YTHDC2: variants seen among roughly 807,000 people sequenced by gnomAD.
YTHDC2 encodes the protein YTH N6-methyladenosine RNA binding protein C2.
In YTHDC2, 45 loss-of-function variants were observed where a neutral mutation model predicts 174.9. The ratio of observed to expected loss-of-function variants is 0.26; its 90% confidence interval spans 0.20 to 0.33. The LOEUF is 0.33. YTHDC2 is among the 10% of genes least tolerant of loss of function. The probability of loss-of-function intolerance (pLI) is 1.00; values close to 1 mark genes in which losing one functional copy is unlikely to be tolerated. For missense variants in YTHDC2, 1,650 were observed against 1,723.7 expected (o/e 0.96, Z 0.76); for synonymous variants, 657 against 574.5 (o/e 1.14, Z -2.05).
intron 23 of YTHDC2, among the ~76,000 whole-genome samples, chr5:113,573,511 G>A (rs1322607377): frequency 6.6e-6 from 1 of 152,038 alleles, no homozygotes; most frequent in Non-Finnish European, 1.5e-5. Context: ...TTTGAATGTT[G>A]GCCTGTCTTG....
chr5:113,571,593 A>G (rs1777722489), intron 23 of YTHDC2, among the ~76,000 whole-genome samples: 1 of 152,160 alleles, frequency 6.6e-6, no homozygotes, highest in Admixed American at 6.6e-5. Flanking sequence ...TTCAGCTGTA[A>G]ATCCATCTGG....
chr5:113,589,408 A>AAAAAAAAATATATATATATATATATAT (rs368975720), intron 26 of YTHDC2, among the ~76,000 whole-genome samples: 3 of 123,260 alleles, frequency 2.4e-5, no homozygotes, highest in Admixed American at 8.2e-5. Flanking sequence ...AAAAAAAAAA[A>AAAAAAAAATATATATATATATATATAT]ATATATATAT....
At chr5:113,571,058 A>G (rs540967513) in intron 23 of YTHDC2, among the ~76,000 whole-genome samples, 95 of 152,194 alleles carry the variant, frequency 6.2e-4, no homozygotes, top group Non-Finnish European at 1.2e-3. Context: ...GTACTGTGAC[A>G]GTTTTCAAGG....
intron 23 of YTHDC2, among the ~76,000 whole-genome samples, chr5:113,569,583 C>T (rs552148940): frequency 6.6e-6 from 1 of 152,276 alleles, no homozygotes; most frequent in South Asian, 2.1e-4. Flanking sequence ...TCTTTCAGCA[C>T]CATTTGTTAA....
intron 26 of YTHDC2, 135 bp from the exon 27 acceptor site, chr5:113,590,906 T>C: frequency 1.4e-6 from 1 of 729,006 alleles, no homozygotes; most frequent in South Asian, 2.0e-5. Flanking sequence ...GTTTCAGACA[T>C]GATAGAGCTA....
intron 10 of YTHDC2, among the ~76,000 whole-genome samples, chr5:113,545,992 G>T (rs1252092414): frequency 1.6e-4 from 8 of 49,768 alleles, no homozygotes; most frequent in African/African-American, 5.8e-4. Context: ...CGCCCGCCTC[G>T]GCCTCCCAAA....
Position 113,563,907 on chromosome 5 carries a change from C to T in YTHDC2, c.2491C>T (p.His831Tyr). The T allele has an allele frequency of 6.2e-7, 1 of 1,614,162 alleles. No individual in the cohort carries two copies. Among genetic ancestry groups the T allele is most frequent in the Non-Finnish European group, 8.5e-7 (1 of 1,180,018 alleles). ...GGAAGATCTGACTGAACTTGGGTAT[C>T]ATTTGGCTGACTTGCCAGTAGAACC... ...TWEDLTELGY[H>Y]LADLPVEPHL... The change falls in exon 20 of 30, where the codon CAT becomes TAT. Residue 831 changes from histidine to tyrosine, a missense_variant. By Grantham distance (83) the His-to-Tyr change is moderately conservative. Coordinates refer to ENST00000161863, the MANE Select transcript of YTHDC2 (RefSeq NM_022828.5).
Position 113,579,856 on chromosome 5 carries a change from T to C in YTHDC2, c.3354+161T>C, listed in dbSNP as rs996636055. ...GGGACCTCATTCATTCTCTTCTGTA[T>C]TGGGGTTTATTCCAACAGAGGACTT... is the stretch of plus-strand genomic sequence containing the variant. On this transcript the variant is annotated intron_variant, in intron 24 of 29. Transcript: ENST00000161863. 4.1e-6 allele frequency: 4 copies of C among 985,246 alleles called. No individual in the cohort carries two copies. In the African/African-American group the frequency reaches 7.0e-5, roughly 17 times the overall value. 61.0% of individuals were successfully genotyped at this position (985,246 alleles called of 1,614,324 possible).
rs7708995 is a variant in YTHDC2, at chr5:113,567,427, T to A, written c.3048+130T>A. ...AGTTATATATATATATATATATATATCATTAAATATTGGAACAAAACTTAT... is the reference window on the plus strand; with the variant it reads ...AGTTATATATATATATATATATATAACATTAAATATTGGAACAAAACTTAT... On this transcript the variant is annotated intron_variant, in intron 22 of 29. Coordinates refer to ENST00000161863, the MANE Select transcript of YTHDC2 (RefSeq NM_022828.5). 43 of 375,064 alleles carry A rather than the reference T, an allele frequency of 1.1e-4. 1 individual carries two copies. The highest frequency in any genetic ancestry group is 3.0e-4 in the African/African-American group (12 of 39,602). 23.2% of individuals were successfully genotyped at this position (375,064 alleles called of 1,614,324 possible).
chr5:113,546,422 T>G (rs935787522), intron 10 of YTHDC2, among the ~76,000 whole-genome samples: 2 of 152,202 alleles, frequency 1.3e-5, no homozygotes, highest in Non-Finnish European at 2.9e-5. Context: ...TTACAGTAGC[T>G]CAATCATTCA....
intron 20 of YTHDC2, among the ~76,000 whole-genome samples, chr5:113,564,372 A>G (rs1383082939): frequency 1.3e-5 from 2 of 152,068 alleles, no homozygotes; most frequent in Admixed American, 1.3e-4. Context: ...TTGTATATAT[A>G]TTTATTTGTG....
intron 2 of YTHDC2, among the ~76,000 whole-genome samples, chr5:113,518,187 GT>G (rs1201792684): frequency 8.8e-6 from 1 of 113,288 alleles, no homozygotes; most frequent in African/African-American, 4.4e-5. Flanking sequence ...TGCACCTGGC[GT>G]TTTTTTGTTT....
chr5:113,587,790 T>C (rs141222037), intron 26 of YTHDC2, among the ~76,000 whole-genome samples: 151 of 151,618 alleles, frequency 1.0e-3, no homozygotes, highest in African/African-American at 3.5e-3. Flanking sequence ...TATCAGTTTC[T>C]GCAGAAAAAT....
chr5:113,520,382 T>C (rs1350189664), intron 2 of YTHDC2, among the ~76,000 whole-genome samples: 3 of 152,168 alleles, frequency 2.0e-5, no homozygotes. Flanking sequence ...AAATGAAAAT[T>C]ATGGGTTTAT....
At chr5:113,568,025 T>C (rs186778333) in intron 23 of YTHDC2, among the ~76,000 whole-genome samples, 176 bp downstream of exon 23, 1 of 152,146 alleles carries the variant, frequency 6.6e-6, no homozygotes, top group African/African-American at 2.4e-5. Flanking sequence ...GTTTTTGAAA[T>C]TTATTTATAA....
At chr5:113,515,842 A>G (rs1373582001) in intron 2 of YTHDC2, among the ~76,000 whole-genome samples, 1 of 152,186 alleles carries the variant, frequency 6.6e-6, no homozygotes, top group African/African-American at 2.4e-5. Flanking sequence ...GGGAAGGTAT[A>G]TGTGGGGAAA....
chr5:113,593,452 A>G (rs561360384), intron 29 of YTHDC2, 30 bp from the exon 30 acceptor site: 4 of 1,337,368 alleles, frequency 3.0e-6, no homozygotes, highest in Middle Eastern at 1.9e-4. Flanking sequence ...CTTTCAGATT[A>G]TTTATCTTTT....
chr5:113,570,549 C>T (rs1580613513), intron 23 of YTHDC2, among the ~76,000 whole-genome samples: 1 of 152,146 alleles, frequency 6.6e-6, no homozygotes, highest in African/African-American at 2.4e-5. Flanking sequence ...AGTTGCTTAT[C>T]AGCTTAAGAA....
At chr5:113,592,251 G>C in intron 28 of YTHDC2, 73 bp downstream of exon 28, 1 of 1,401,600 alleles carries the variant, frequency 7.1e-7, no homozygotes, top group Non-Finnish European at 9.5e-7. Flanking sequence ...CTTTAATTGA[G>C]GAGAAAATGT....
Sources: allele counts gnomAD v4.1 joint callset (sites outside exome capture counted in the v4.1 genomes callset), GRCh38; gene constraint gnomAD v4.1.1; transcripts MANE v1.5; gene names NCBI Gene and HGNC (gene_info 2026-07-23, HGNC 2026-07-21).